ABCC12: variants seen among roughly 807,000 people sequenced by gnomAD.
ABCC12 encodes the protein ATP-binding cassette sub-family C member 12.
ABCC12 carries 142 observed loss-of-function variants against 151.1 expected under a neutral mutation model. That is an observed-to-expected ratio of 0.94 (90% CI 0.82 to 1.08). ABCC12 has a LOEUF of 1.08. Ranked by LOEUF, ABCC12 falls within the 50% of genes least tolerant of loss-of-function variation. The pLI, the probability that ABCC12 is intolerant of heterozygous loss-of-function variation, is 0.00. For synonymous variants in ABCC12, 645 were observed against 646.4 expected (o/e 1.00, Z 0.03); for missense variants, 1,638 against 1,691.1 (o/e 0.97, Z 0.55).
At chr16:48,122,170 T>G (rs1476460307) in intron 12 of ABCC12, among the ~76,000 whole-genome samples, 4 of 152,210 alleles carry the variant, frequency 2.6e-5, no homozygotes, top group Non-Finnish European at 5.9e-5. Flanking sequence ...GAACAGACTC[T>G]TCACAAGAGG....
rs1964779490 is a variant in ABCC12 at position 48,140,797 on chromosome 16, C to G, written c.547G>C (p.Ala183Pro). 5 of 1,614,054 alleles carry G rather than the reference C, an allele frequency of 3.1e-6. No individual in the cohort carries two copies. Among genetic ancestry groups the G allele is most frequent in the Non-Finnish European group, 3.4e-6 (4 of 1,180,048 alleles). The change falls in exon 6 of 31, where the codon GCC becomes CCC. Residue 183 changes from alanine (A) to proline (P), a missense_variant. Coordinates refer to ENST00000311303, the MANE Select transcript of ABCC12 (RefSeq NM_001393797.1). ...EFTKVFFWALAWAINYRTAIR... is the reference protein window; with the variant it reads ...EFTKVFFWALPWAINYRTAIR... ...GCCGTGCGGTAGTTGATGGCCCAGG[C>G]AAGGGCCCAAAAGAAGACTTTGGTA...
intron 2 of ABCC12, among the ~76,000 whole-genome samples, chr16:48,149,725 A>G (rs2150685722): frequency 6.6e-6 from 1 of 152,352 alleles, no homozygotes; most frequent in African/African-American, 2.4e-5. Context: ...ATTAGTATGC[A>G]GAATTTATAA....
intron 2 of ABCC12, among the ~76,000 whole-genome samples, chr16:48,150,169 C>T (rs563574240): frequency 2.0e-5 from 3 of 152,248 alleles, no homozygotes; most frequent in South Asian, 4.1e-4. Flanking sequence ...CACTCTCCTG[C>T]GAATTTCCTC....
chr16:48,129,514 C>T (rs1257127264), intron 10 of ABCC12, among the ~76,000 whole-genome samples: 1 of 152,098 alleles, frequency 6.6e-6, no homozygotes, highest in Non-Finnish European at 1.5e-5. Flanking sequence ...TTCAGGATTA[C>T]TGAGGCACAG....
At chr16:48,129,868 T>C (rs1964364523) in intron 10 of ABCC12, among the ~76,000 whole-genome samples, 1 of 152,194 alleles carries the variant, frequency 6.6e-6, no homozygotes, top group African/African-American at 2.4e-5. Context: ...TCATAATACA[T>C]GCAATTAATG....
intron 28 of ABCC12, 80 bp downstream of exon 28, chr16:48,086,661 G>T: frequency 7.7e-7 from 1 of 1,306,112 alleles, no homozygotes; most frequent in African/African-American, 1.5e-5. Context: ...CTAGGTGCTT[G>T]TCAAATTTAA....
chr16:48,151,723 C>T (rs191195215), intron 2 of ABCC12, among the ~76,000 whole-genome samples: 69 of 152,168 alleles, frequency 4.5e-4, no homozygotes, highest in African/African-American at 1.5e-3. Flanking sequence ...TGATGGTTAC[C>T]TCTAGGGGTG....
At chr16:48,142,407 G>A (rs1596630690) in intron 4 of ABCC12, among the ~76,000 whole-genome samples, 1 of 152,144 alleles carries the variant, frequency 6.6e-6, no homozygotes, top group South Asian at 2.1e-4. Context: ...AACACAGAAT[G>A]GCAAAGGCAA....
intron 25 of ABCC12, among the ~76,000 whole-genome samples, chr16:48,090,151 G>T (rs1426514082): frequency 6.6e-6 from 1 of 152,082 alleles, no homozygotes; most frequent in African/African-American, 2.4e-5. Context: ...TTTGTAAGTT[G>T]GATATAAAAG....
chr16:48,115,078 G>A (rs562048378), intron 15 of ABCC12, among the ~76,000 whole-genome samples: 14 of 152,298 alleles, frequency 9.2e-5, no homozygotes, highest in South Asian at 2.1e-4. Context: ...GGGTGGGGCC[G>A]TCATTGTTTT....
In ABCC12 at chr16:48,143,914, T is replaced by C. The variant is rs201255677; in HGVS notation, c.271A>G (p.Lys91Glu). 6.2e-7 allele frequency: 1 copy of C among 1,613,106 alleles called. No individual in the cohort carries two copies. Among genetic ancestry groups the C allele is most frequent in the Non-Finnish European group, 8.5e-7 (1 of 1,179,418 alleles). Residue 91 changes from lysine (K) to glutamate (E), a missense_variant, in exon 4 of 31, where the codon AAA (lysine) becomes GAA (glutamate). Transcript: ENST00000311303. ...STYDSSDTNA[K>E]RFRVLWDEEV... ...GACCCAAGCAAATCCTGGTACCTTTTGGCATTGGTGTCAGATGAGTCATAT... is the reference window on the plus strand; with the variant it reads ...GACCCAAGCAAATCCTGGTACCTTTCGGCATTGGTGTCAGATGAGTCATAT...
intron 22 of ABCC12, 114 bp from the exon 23 acceptor site, chr16:48,101,123 T>C (rs2150600461): frequency 7.8e-7 from 1 of 1,274,310 alleles, no homozygotes; most frequent in Non-Finnish European, 1.1e-6. Context: ...TCAGAGACGG[T>C]GCCATCTAAC....
chr16:48,150,852 T>C (rs1479544837), intron 2 of ABCC12, among the ~76,000 whole-genome samples: 1 of 152,222 alleles, frequency 6.6e-6, no homozygotes, highest in African/African-American at 2.4e-5. Flanking sequence ...GAGTTCATAC[T>C]GACTCTCCAA....
At chr16:48,111,337 C>T in intron 18 of ABCC12, 99 bp downstream of exon 18, 1 of 1,426,846 alleles carries the variant, frequency 7.0e-7, no homozygotes. Flanking sequence ...TCTGGCTGCC[C>T]AAAATGACAT....
chr16:48,138,253 C>A lies in ABCC12; in HGVS notation c.954G>T (p.Glu318Asp). Residue 318 changes from glutamate (E) to aspartate (D), a missense_variant, in exon 8 of 31, where the codon GAG (glutamate) becomes GAT (aspartate). Coordinates refer to ENST00000311303, the MANE Select transcript of ABCC12 (RefSeq NM_001393797.1). The stretch of plus-strand genomic sequence containing the variant: ...CTTGGATAGTGTTGGTAAAAGATTT[C>A]TCCCAGGCATACATTTTGATCAGCC... ...CIRLIKMYAW[E>D]KSFTNTIQDI... is the part of the protein sequence containing the mutation. 1 of 1,611,152 alleles carries A rather than the reference C, an allele frequency of 6.2e-7. No individual in the cohort carries two copies. The highest frequency in any genetic ancestry group is 8.5e-7 in the Non-Finnish European group (1 of 1,177,664).
intron 22 of ABCC12, among the ~76,000 whole-genome samples, chr16:48,102,650 CAG>C (rs778301515): frequency 1.3e-5 from 2 of 152,186 alleles, no homozygotes; most frequent in Non-Finnish European, 2.9e-5. Context: ...TGCCCCTGCA[CAG>C]AGTCCAGCTC....
intron 11 of ABCC12, among the ~76,000 whole-genome samples, chr16:48,124,629 A>G (rs545601087): frequency 6.6e-6 from 1 of 152,364 alleles, no homozygotes; most frequent in South Asian, 2.1e-4. Flanking sequence ...CAGACTCCAG[A>G]AAAGCAAATC....
intron 28 of ABCC12, 84 bp downstream of exon 28, chr16:48,086,657 G>A (rs1035027459): frequency 3.3e-6 from 4 of 1,211,532 alleles, no homozygotes; most frequent in African/African-American, 3.0e-5. Context: ...TGGCCTAGGT[G>A]CTTGTCAAAT....
intron 2 of ABCC12, among the ~76,000 whole-genome samples, chr16:48,148,970 A>G (rs74018296): frequency 0.032 from 4,869 of 152,078 alleles, 247 homozygotes; most frequent in African/African-American, 0.11. Context: ...GTACATCGGA[A>G]ATGTTTAATA....
Sources: gnomAD v4.1 joint callset for allele counts (sites outside exome capture counted in the v4.1 genomes callset) on GRCh38, gnomAD v4.1.1 for gene constraint, MANE v1.5 for transcripts, NCBI Gene and HGNC (gene_info 2026-07-23, HGNC 2026-07-21) for gene names.